The following PXYLP1 variants were observed in gnomAD, a reference collection of about 807,000 sequenced individuals.
PXYLP1 encodes acid phosphatase-like 2.
A neutral mutation model predicts 37.9 loss-of-function variants in PXYLP1; 17 were observed. That is an observed-to-expected ratio of 0.45 (90% CI 0.31 to 0.67). PXYLP1 has a LOEUF of 0.67. Ranked by LOEUF, PXYLP1 falls within the 30% of genes least tolerant of loss-of-function variation. PXYLP1 has a pLI of 0.07. For synonymous variants in PXYLP1, 221 were observed against 232.2 expected (o/e 0.95, Z 0.44); for missense variants, 511 against 612.0 (o/e 0.84, Z 1.74).
chr3:141,260,304 G>A (rs1941360685), intron 2 of PXYLP1, 50 bp downstream of exon 2: 1 of 1,582,602 alleles, frequency 6.3e-7, no homozygotes, highest in African/African-American at 1.4e-5. Context: ...GGCTTCATAG[G>A]AAACAAGGAG....
intron 2 of PXYLP1, chr3:141,274,141 G>C (rs1239214914): frequency 9.9e-7 from 1 of 1,014,268 alleles, no homozygotes; most frequent in African/African-American, 1.7e-5. Flanking sequence ...CAGTGTCCTG[G>C]AGCAGTGTCT....
intron 2 of PXYLP1, among the ~76,000 whole-genome samples, chr3:141,268,219 G>A (rs1941578827): frequency 6.7e-6 from 1 of 149,402 alleles, no homozygotes; most frequent in African/African-American, 2.4e-5. Context: ...GTGTGTGTGT[G>A]TGTGTGTGTG....
intron 2 of PXYLP1, chr3:141,274,173 C>T (rs1941734057): frequency 3.9e-6 from 4 of 1,029,234 alleles, no homozygotes; most frequent in Non-Finnish European, 4.7e-6. Flanking sequence ...CTGGGTCTGT[C>T]CCTCAGCTCC....
At chr3:141,242,989 G>T (rs1461611012) in intron 1 of PXYLP1, among the ~76,000 whole-genome samples, 3 of 152,226 alleles carry the variant, frequency 2.0e-5, no homozygotes, top group Non-Finnish European at 4.4e-5. Context: ...ACTTGCAGGT[G>T]AGGACACTGC....
At chr3:141,262,923 T>C (rs1941427891) in intron 2 of PXYLP1, among the ~76,000 whole-genome samples, 1 of 152,262 alleles carries the variant, frequency 6.6e-6, no homozygotes, top group Non-Finnish European at 1.5e-5. Flanking sequence ...CATTTCTTTT[T>C]ACTTATTTTT....
intron 2 of PXYLP1, among the ~76,000 whole-genome samples, chr3:141,264,328 G>A (rs1189444363): frequency 3.3e-5 from 5 of 152,234 alleles, no homozygotes; most frequent in African/African-American, 1.2e-4. Context: ...CCATGCAGAG[G>A]TGGAATGGAT....
intron 2 of PXYLP1, among the ~76,000 whole-genome samples, chr3:141,263,236 C>T (rs1353479773): frequency 2.0e-5 from 3 of 152,148 alleles, no homozygotes; most frequent in Admixed American, 1.3e-4. Context: ...TTTTTCTACA[C>T]TGTGGAAGTG....
intron 1 of PXYLP1, among the ~76,000 whole-genome samples, chr3:141,236,933 A>G (rs1940671054): frequency 6.6e-6 from 1 of 152,222 alleles, no homozygotes; most frequent in South Asian, 2.1e-4. Flanking sequence ...TAATAAGTAT[A>G]TAATATTTTA....
intron 1 of PXYLP1, 52 bp from the exon 2 acceptor site, chr3:141,260,048 GTTTGGTTATTTTCAGTTGACAAA>G: frequency 9.6e-7 from 1 of 1,037,296 alleles, no homozygotes; most frequent in Non-Finnish European, 1.4e-6. Context: ...CAGTTGACAA[GTTTGGTTATTTTCAGTTGACAAA>G]TTTAGTTCTC....
rs116578846 is a variant in PXYLP1, at chr3:141,289,842, C to T, written c.505+2389C>T. Among the ~76,000 whole-genome samples, 591 of 152,266 alleles carry T rather than the reference C, an allele frequency of 3.9e-3. 6 individuals are homozygous for T. Among genetic ancestry groups the T allele is most frequent in the African/African-American group, 0.014 (566 of 41,550 alleles). ...CTGTGCAGAGAACAGGAGGTGAGGGCGCCAGTCTCTGGATCCAGGAGCTGC... is the reference window on the plus strand; with the variant it reads ...CTGTGCAGAGAACAGGAGGTGAGGGTGCCAGTCTCTGGATCCAGGAGCTGC... On this transcript the variant is annotated intron_variant, in intron 5 of 5. Transcript: ENST00000286353.
chr3:141,287,554 G>A (rs2137016), intron 5 of PXYLP1, 101 bp downstream of exon 5: 3 of 1,427,180 alleles, frequency 2.1e-6, no homozygotes, highest in East Asian at 2.4e-5. Flanking sequence ...CAGCTCAGAG[G>A]GGGTAAGCAA....
At chr3:141,235,116 G>A (rs933365877) in intron 1 of PXYLP1, 8 of 152,206 alleles carry the variant, frequency 5.3e-5, no homozygotes, top group African/African-American at 1.7e-4. Flanking sequence ...GGTGGATAAG[G>A]AAGTGTGCCC....
intron 1 of PXYLP1, among the ~76,000 whole-genome samples, chr3:141,237,709 A>G (rs1034290551): frequency 6.6e-6 from 1 of 152,356 alleles, no homozygotes; most frequent in Non-Finnish European, 1.5e-5. Flanking sequence ...TGATGGATAC[A>G]GGATAATAGT....
intron 1 of PXYLP1, among the ~76,000 whole-genome samples, chr3:141,238,883 G>A (rs1205132711): frequency 6.6e-6 from 1 of 152,110 alleles, no homozygotes; most frequent in Admixed American, 6.5e-5. Flanking sequence ...CATCATAAAG[G>A]TTTTATCCTC....
intron 5 of PXYLP1, among the ~76,000 whole-genome samples, chr3:141,291,203 TC>T (rs1942196419): frequency 6.6e-6 from 1 of 152,142 alleles, no homozygotes; most frequent in African/African-American, 2.4e-5. Context: ...TGTTTGGACA[TC>T]TGAATAAATG....
chr3:141,281,783 T>C (rs999605308), intron 4 of PXYLP1, among the ~76,000 whole-genome samples: 1 of 152,068 alleles, frequency 6.6e-6, no homozygotes, highest in South Asian at 2.1e-4. Flanking sequence ...ACCCATGCAG[T>C]GTGAGGTGGT....
intron 4 of PXYLP1, among the ~76,000 whole-genome samples, chr3:141,286,401 C>T (rs755811406): frequency 6.6e-6 from 1 of 152,008 alleles, no homozygotes; most frequent in African/African-American, 2.4e-5. Context: ...GTATAGAGAT[C>T]CTGGTTATCT....
At position 141,293,114 on chromosome 3, in the gene PXYLP1, AC is replaced by A. The variant is rs1229488204; in HGVS notation, c.1353del (p.Leu452TrpfsTer5). 1 of 1,613,994 alleles carries A rather than the reference AC, an allele frequency of 6.2e-7. No homozygotes were observed. Among genetic ancestry groups the A allele is most frequent in the Non-Finnish European group, 8.5e-7 (1 of 1,180,026 alleles). ...RSPKPMCPLE[N>X]LVRFVKRDMF... Reference sequence around the variant, plus strand: ...CCCAAGCCCATGTGCCCGCTTGAAAACTTGGTCCGCTTTGTGAAAAGGGACA... The same window carrying A: ...CCCAAGCCCATGTGCCCGCTTGAAAATTGGTCCGCTTTGTGAAAAGGGACA... On this transcript the variant is annotated frameshift_variant, in exon 6 of 6. Transcript: ENST00000286353. LOFTEE classifies it high-confidence loss of function.
intron 2 of PXYLP1, among the ~76,000 whole-genome samples, chr3:141,269,755 C>G (rs1219457814): frequency 6.6e-6 from 1 of 152,208 alleles, no homozygotes; most frequent in African/African-American, 2.4e-5. Flanking sequence ...TTTCATGGTT[C>G]TTTTTGGAGG....
Sources: gnomAD v4.1 joint callset for allele counts (sites outside exome capture counted in the v4.1 genomes callset) on GRCh38, gnomAD v4.1.1 for gene constraint, MANE v1.5 for transcripts, NCBI Gene and HGNC (gene_info 2026-07-23, HGNC 2026-07-21) for gene names.